EIF4G3: variants seen among roughly 807,000 people sequenced by gnomAD.
EIF4G3 encodes eukaryotic translation initiation factor 4 gamma 3.
In EIF4G3, 34 loss-of-function variants were observed where a neutral mutation model predicts 186.4. The observed-to-expected ratio is 0.18, with a 90% CI of 0.14 to 0.24. The LOEUF (loss-of-function observed/expected upper bound fraction) is 0.24. Ranked by LOEUF, EIF4G3 falls within the 10% of genes least tolerant of loss-of-function variation. EIF4G3 has a pLI of 1.00. For synonymous variants in EIF4G3, 673 were observed against 679.5 expected (o/e 0.99, Z 0.15); for missense variants, 1,536 against 1,948.5 (o/e 0.79, Z 3.99).
At chr1:20,833,137 A>G (rs1258979645) in intron 30 of EIF4G3, among the ~76,000 whole-genome samples, 2 of 131,694 alleles carry the variant, frequency 1.5e-5, no homozygotes, top group African/African-American at 2.9e-5. Flanking sequence ...GTTTTTTCCA[A>G]TTCTGTGAAG....
At position 21,155,279 on chromosome 1, in the gene EIF4G3, A is replaced by AAG. The variant is rs1461552542; in HGVS notation, c.-272+20895_-272+20896insCT. Among the ~76,000 whole-genome samples, 257 of 150,342 alleles carry AAG rather than the reference A, an allele frequency of 1.7e-3. 2 individuals are homozygous for AAG. The highest frequency in any genetic ancestry group is 5.9e-3 in the African/African-American group (242 of 41,014). On this transcript the variant is annotated intron_variant, in intron 2 of 36. Coordinates refer to ENST00000602326, the MANE Select transcript of EIF4G3 (RefSeq NM_001391906.1). ...CTCTGTCTCAAAAAAAAAAAAAAAA[A>AAG]AAAAAAAGAAAGAAAGAAATTATAC...
intron 2 of EIF4G3, among the ~76,000 whole-genome samples, chr1:21,123,111 T>C (rs908745143): frequency 2.6e-5 from 4 of 152,108 alleles, no homozygotes; most frequent in Non-Finnish European, 5.9e-5. Flanking sequence ...TATTTAAAAG[T>C]TGTAAGACAT....
At chr1:20,899,279 T>G (rs1387038884) in intron 16 of EIF4G3, among the ~76,000 whole-genome samples, 1 of 152,334 alleles carries the variant, frequency 6.6e-6, no homozygotes, top group South Asian at 2.1e-4. Flanking sequence ...ACTCAATACA[T>G]TGTTTCAGAA....
chr1:21,089,659 G>C lies in EIF4G3; in HGVS notation c.-271-446C>G, dbSNP rs138246005. 3.5e-3 allele frequency among the ~76,000 whole-genome samples: 527 copies of C among 151,890 alleles called. 12 individuals carry two copies. The highest frequency in any genetic ancestry group is 0.032 in the Admixed American group (492 of 15,224). On this transcript the variant is annotated intron_variant, in intron 2 of 36. Coordinates refer to ENST00000602326, the MANE Select transcript of EIF4G3 (RefSeq NM_001391906.1). ...TCTACTAAATTAGCCGAGTGTGGTT[G>C]CCAGCACCTGTAGTCTCCGGGAGGC...
At chr1:20,884,005 C>T (rs2083282174) in intron 19 of EIF4G3, among the ~76,000 whole-genome samples, 1 of 152,066 alleles carries the variant, frequency 6.6e-6, no homozygotes, top group Admixed American at 6.5e-5. Flanking sequence ...CAATGATATC[C>T]TAAAAATGCT....
intron 2 of EIF4G3, among the ~76,000 whole-genome samples, chr1:21,138,307 T>A (rs980021124): frequency 2.0e-5 from 3 of 152,078 alleles, no homozygotes; most frequent in Non-Finnish European, 4.4e-5. Context: ...TAGAAAGAAG[T>A]CACGAAAATT....
chr1:21,030,700 A>C (rs565478667), intron 4 of EIF4G3, among the ~76,000 whole-genome samples: 1 of 152,386 alleles, frequency 6.6e-6, no homozygotes, highest in South Asian at 2.1e-4. Flanking sequence ...GAAAAACTTA[A>C]AACTGGTGAA....
intron 4 of EIF4G3, among the ~76,000 whole-genome samples, chr1:21,022,482 C>G (rs544743494): frequency 1.8e-4 from 28 of 152,304 alleles, no homozygotes; most frequent in African/African-American, 6.7e-4. Context: ...AGTCACCGAC[C>G]ATTAGCCCTT....
chr1:21,074,857 T>G (rs1380212564), intron 3 of EIF4G3, among the ~76,000 whole-genome samples: 3 of 152,158 alleles, frequency 2.0e-5, no homozygotes, highest in African/African-American at 7.2e-5. Context: ...AGAGAATCGC[T>G]TGAGCCCAGG....
intron 18 of EIF4G3, among the ~76,000 whole-genome samples, chr1:20,892,404 C>A (rs2086398003): frequency 6.6e-6 from 1 of 152,168 alleles, no homozygotes. Context: ...AGTGCAGTGC[C>A]CCAGCATAAC....
intron 3 of EIF4G3, among the ~76,000 whole-genome samples, chr1:21,082,356 G>A (rs117962370): frequency 4.5e-3 from 688 of 151,908 alleles, no homozygotes; most frequent in East Asian, 0.013. Context: ...AGGCCAAGGC[G>A]TGTGGATCAC....
intron 30 of EIF4G3, among the ~76,000 whole-genome samples, chr1:20,838,681 A>G (rs2067490826): frequency 6.6e-6 from 1 of 152,028 alleles, no homozygotes; most frequent in Non-Finnish European, 1.5e-5. Context: ...TTGCTGAAAG[A>G]AAACTTTTTT....
intron 19 of EIF4G3, among the ~76,000 whole-genome samples, chr1:20,885,186 G>A (rs567699356): frequency 7.9e-5 from 12 of 152,278 alleles, no homozygotes; most frequent in African/African-American, 2.9e-4. Context: ...GGTACTAGGG[G>A]TTGGGGATCC....
chr1:20,825,298 C>T (rs2063342480), intron 32 of EIF4G3, 100 bp from the exon 33 acceptor site: 2 of 882,298 alleles, frequency 2.3e-6, no homozygotes, highest in South Asian at 1.8e-5. Context: ...ACAGTGCAAA[C>T]CCCAAAAAGC....
At position 20,807,254 on chromosome 1, in the gene EIF4G3, G is replaced by A; in HGVS notation, c.*65C>T. ...GCCTTGCTGCACTGTGATTGGCGAA[G>A]ACGTGAAACTTTTTAAAAAAATACT... On this transcript the variant is annotated 3_prime_UTR_variant, in exon 37 of 37. Coordinates refer to ENST00000602326, the MANE Select transcript of EIF4G3 (RefSeq NM_001391906.1). The A allele has an allele frequency of 6.8e-7, 1 of 1,478,094 alleles. No homozygotes were observed. The highest frequency in any genetic ancestry group is 9.2e-7 in the Non-Finnish European group (1 of 1,090,324). The allele number at this position is 1,478,094 out of a possible 1,614,324, so 91.6% of individuals were successfully genotyped here.
intron 19 of EIF4G3, among the ~76,000 whole-genome samples, chr1:20,882,214 C>CAA (rs1553251615): frequency 1.7e-5 from 1 of 60,206 alleles, no homozygotes; most frequent in African/African-American, 4.5e-5. Flanking sequence ...CACACACACA[C>CAA]AAAATCATTT....
intron 2 of EIF4G3, among the ~76,000 whole-genome samples, chr1:21,165,728 C>CA (rs1298968024): frequency 6.6e-6 from 1 of 151,940 alleles, no homozygotes; most frequent in Non-Finnish European, 1.5e-5. Context: ...TGGGGAGTGA[C>CA]AAAAATATTC....
At chr1:20,964,778 A>G (rs995044529) in intron 12 of EIF4G3, among the ~76,000 whole-genome samples, 2 of 152,218 alleles carry the variant, frequency 1.3e-5, no homozygotes, top group Non-Finnish European at 2.9e-5. Flanking sequence ...CCAAAACACA[A>G]CATATCCCAT....
At chr1:20,817,643 G>T in intron 33 of EIF4G3, 105 bp from the exon 34 acceptor site, 4 of 587,344 alleles carry the variant, frequency 6.8e-6, no homozygotes, top group East Asian at 3.9e-5. Flanking sequence ...ATTTTACATG[G>T]AATCAAAATG....
Sources: gnomAD v4.1 joint callset for allele counts (sites outside exome capture counted in the v4.1 genomes callset) on GRCh38, gnomAD v4.1.1 for gene constraint, MANE v1.5 for transcripts, NCBI Gene and HGNC (gene_info 2026-07-23, HGNC 2026-07-21) for gene names.